Variants in SMCO2 observed in about 807,000 individuals in gnomAD.
The protein encoded by SMCO2 is single-pass membrane protein with coiled-coil domains 2.
A neutral mutation model predicts 29.5 loss-of-function variants in SMCO2; 25 were observed. The ratio of observed to expected loss-of-function variants is 0.85; its 90% CI spans 0.62 to 1.18. The LOEUF (loss-of-function observed/expected upper bound fraction) is 1.18, where lower values mean the gene tolerates loss of function less well. Ranked by LOEUF, SMCO2 falls within the 50% of genes most tolerant of loss-of-function variation. SMCO2 has a pLI of 0.00. For missense variants in SMCO2, 348 were observed against 344.5 expected (o/e 1.01, Z -0.08); for synonymous variants, 117 against 123.3 (o/e 0.95, Z 0.34).
At chr12:27,472,945 C>A (rs77971083) in intron 3 of SMCO2, 70 bp downstream of exon 3, 2 of 1,139,686 alleles carry the variant, frequency 1.8e-6, no homozygotes, top group Non-Finnish European at 2.5e-6. Flanking sequence ...AACTTCACGC[C>A]GCATATCTTA....
At chr12:27,488,628 G>T in intron 5 of SMCO2, 81 bp downstream of exon 6, 1 of 1,031,682 alleles carries the variant, frequency 9.7e-7, no homozygotes, top group Non-Finnish European at 1.3e-6. Context: ...TTGTTAATAG[G>T]CAATAACAAG....
chr12:27,442,830 C>T, the SMCO2 span, among the ~76,000 whole-genome samples: 1 of 152,126 alleles, frequency 6.6e-6, no homozygotes, highest in African/African-American at 2.4e-5. Context: ...CTATGTTGCC[C>T]AGGATGATCT....
intron 4 of SMCO2, among the ~76,000 whole-genome samples, chr12:27,486,005 T>C (rs1045938932): frequency 2.0e-5 from 3 of 152,326 alleles, no homozygotes; most frequent in Middle Eastern, 3.4e-3. Context: ...GGCTCCACTA[T>C]TGAAACAATA....
the SMCO2 span, among the ~76,000 whole-genome samples, chr12:27,454,903 G>A: frequency 1.4e-5 from 1 of 72,914 alleles, no homozygotes. Context: ...AAGGACATGA[G>A]CTCATCCTTT....
At chr12:27,448,153 A>G in the SMCO2 span, among the ~76,000 whole-genome samples, 1 of 152,218 alleles carries the variant, frequency 6.6e-6, no homozygotes, top group Admixed American at 6.5e-5. Context: ...TTTGGACTTA[A>G]GTTCTTGATT....
chr12:27,495,829 G>C (rs1451167214), exon 7 of SMCO2: 1 of 1,527,446 alleles, frequency 6.5e-7, no homozygotes, highest in Non-Finnish European at 8.8e-7. Flanking sequence ...TTTTAGTGCA[G>C]AAGTCTCCTC....
intron 4 of SMCO2, among the ~76,000 whole-genome samples, chr12:27,483,819 A>T (rs1397144990): frequency 1.3e-5 from 2 of 152,122 alleles, no homozygotes; most frequent in Non-Finnish European, 2.9e-5. Context: ...TACCTCTTAC[A>T]TATGCTGTAC....
chr12:27,474,764 C>A, intron 3 of SMCO2, 22 bp from the exon 4 acceptor site: 1 of 1,551,110 alleles, frequency 6.4e-7, no homozygotes. Context: ...TTCTGCTTTG[C>A]TTCCATCATC....
At position 27,475,565 on chromosome 12, in the gene SMCO2, C is replaced by T. The variant is rs1204246098; in HGVS notation, c.362+652C>T. The T allele has an allele frequency of 6.6e-7, 1 of 1,514,114 alleles. No individual in the cohort carries two copies. Among genetic ancestry groups the T allele is most frequent in the Non-Finnish European group, 8.8e-7 (1 of 1,135,200 alleles). The allele number at this position is 1,514,114 out of a possible 1,614,324, so 93.8% of individuals were successfully genotyped here. On this transcript the variant is annotated intron_variant, in intron 4 of 7. Coordinates refer to ENST00000298876, the Ensembl canonical transcript of SMCO2. ...CCATTTTCTGCTTTGAAAATGATCA[C>T]CATAATATTTCCGCAGGTGTCTGAA... is the stretch of plus-strand genomic sequence containing the variant.
At chr12:27,450,941 G>T in the SMCO2 span, among the ~76,000 whole-genome samples, 2 of 152,218 alleles carry the variant, frequency 1.3e-5, no homozygotes, top group African/African-American at 2.4e-5. Context: ...CTTGGGAGGA[G>T]TGAAAGAGAA....
chr12:27,436,484 G>A, the SMCO2 span, among the ~76,000 whole-genome samples: 1 of 152,026 alleles, frequency 6.6e-6, no homozygotes, highest in South Asian at 2.1e-4. Context: ...ACCATGGTGG[G>A]GGCATTCACA....
chr12:27,472,500 T>C (rs1197298979), intron 2 of SMCO2, among the ~76,000 whole-genome samples: 1 of 152,170 alleles, frequency 6.6e-6, no homozygotes, highest in East Asian at 1.9e-4. Context: ...CATTTATACA[T>C]ACATATGCAC....
At chr12:27,444,510 C>G in the SMCO2 span, among the ~76,000 whole-genome samples, 1 of 152,208 alleles carries the variant, frequency 6.6e-6, no homozygotes, top group South Asian at 2.1e-4. Context: ...TTACATCCAG[C>G]TAAAGAGCTC....
chr12:27,457,128 G>A, the SMCO2 span, among the ~76,000 whole-genome samples: 136 of 152,118 alleles, frequency 8.9e-4, no homozygotes, highest in Non-Finnish European at 1.7e-3. Context: ...AGAGGGCAGA[G>A]GTTGGCTACC....
At chr12:27,427,368 A>C in the SMCO2 span, among the ~76,000 whole-genome samples, 1 of 152,184 alleles carries the variant, frequency 6.6e-6, no homozygotes, top group Non-Finnish European at 1.5e-5. Context: ...ATGCTGAGGC[A>C]TCTGGCCTGG....
At chr12:27,474,639 T>C (rs1949568951) in intron 3 of SMCO2, 147 bp from the exon 4 acceptor site, 1 of 869,834 alleles carries the variant, frequency 1.1e-6, no homozygotes, top group Non-Finnish European at 1.7e-6. Flanking sequence ...GCATGTCTGC[T>C]TAGCTTACAG....
At chr12:27,476,324 G>A (rs533988567) in intron 4 of SMCO2, among the ~76,000 whole-genome samples, 40 of 152,312 alleles carry the variant, frequency 2.6e-4, no homozygotes, top group African/African-American at 9.6e-4. Flanking sequence ...TGAGAAGAAG[G>A]TGTATTCTGC....
At chr12:27,459,035 A>G in the SMCO2 span, among the ~76,000 whole-genome samples, 3 of 151,246 alleles carry the variant, frequency 2.0e-5, no homozygotes, top group East Asian at 1.9e-4. Context: ...AAAATACAAA[A>G]AATTAGCTGG....
chr12:27,446,013 C>G, the SMCO2 span, among the ~76,000 whole-genome samples: 11 of 152,130 alleles, frequency 7.2e-5, no homozygotes, highest in African/African-American at 2.7e-4. Context: ...AAATGATTCT[C>G]CTGCCTCAGC....
Sources: gnomAD v4.1 joint callset for allele counts (sites outside exome capture counted in the v4.1 genomes callset) on GRCh38, gnomAD v4.1.1 for gene constraint, MANE v1.5 for transcripts, NCBI Gene and HGNC (gene_info 2026-07-23, HGNC 2026-07-21) for gene names.